The following AHCY variants were observed in gnomAD, a reference collection of about 807,000 sequenced individuals.
AHCY encodes the protein S-adenosyl-L-homocysteine hydrolase.
In AHCY, 24 loss-of-function variants were observed where a neutral mutation model predicts 45.4. The observed-to-expected ratio is 0.53, with a 90% CI of 0.38 to 0.74. The LOEUF (loss-of-function observed/expected upper bound fraction) is 0.74, where lower values mean the gene tolerates loss of function less well. Among genes scored for constraint, AHCY ranks in the 30% least tolerant of loss-of-function variants. The pLI, the probability that AHCY is intolerant of heterozygous loss-of-function variation, is 0.00. For synonymous variants in AHCY, 245 were observed against 235.1 expected, an observed-to-expected ratio of 1.04 and a Z score of -0.39; for missense variants, 449 against 594.1, an observed-to-expected ratio of 0.76 and a Z score of 2.54.
At chr20:34,303,207 G>C in intron 1 of AHCY, 36 bp downstream of exon 1, 1 of 1,550,858 alleles carries the variant, frequency 6.4e-7, no homozygotes. Flanking sequence ...GGCGGGTGCC[G>C]GGCGGCCGCA....
chr20:34,246,212 A>G, the AHCY span: 2 of 1,453,752 alleles, frequency 1.4e-6, no homozygotes, highest in South Asian at 2.5e-5. Context: ...CTTTTGTGGT[A>G]TGGTCTTCTT....
At chr20:34,298,497 C>T (rs376140101) in intron 1 of AHCY, among the ~76,000 whole-genome samples, 18 of 151,584 alleles carry the variant, frequency 1.2e-4, no homozygotes, top group East Asian at 1.9e-4. Context: ...CTAGCGGTGA[C>T]GCCAGCGTCT....
chr20:34,232,040 C>T, the AHCY span, among the ~76,000 whole-genome samples: 6 of 152,220 alleles, frequency 3.9e-5, no homozygotes, highest in African/African-American at 1.4e-4. Flanking sequence ...TTAACTTTTG[C>T]ATCAGCTCTT....
the AHCY span, among the ~76,000 whole-genome samples, chr20:34,249,120 C>A: frequency 6.6e-6 from 1 of 151,848 alleles, no homozygotes; most frequent in Non-Finnish European, 1.5e-5. Flanking sequence ...CAGAGTGAGA[C>A]CCTGTCTCGA....
chr20:34,295,851 G>A (rs978535100), intron 1 of AHCY, among the ~76,000 whole-genome samples: 12 of 152,076 alleles, frequency 7.9e-5, no homozygotes, highest in African/African-American at 2.7e-4. Flanking sequence ...ATAAAGAAGC[G>A]TCCCTTTGAA....
chr20:34,239,196 A>C, the AHCY span, among the ~76,000 whole-genome samples: 8 of 151,230 alleles, frequency 5.3e-5, no homozygotes, highest in Non-Finnish European at 1.2e-4. Context: ...CATCAGACTC[A>C]GTATGTTCCT....
At chr20:34,279,419 T>C (rs2122705438), downstream of AHCY, among the ~76,000 whole-genome samples, 1 of 146,240 alleles carries the variant, frequency 6.8e-6, no homozygotes, top group South Asian at 2.1e-4. Context: ...CGAGACTGTC[T>C]AGAAAAAAAA....
the AHCY span, among the ~76,000 whole-genome samples, chr20:34,271,516 T>C: frequency 1.3e-5 from 2 of 151,848 alleles, no homozygotes; most frequent in African/African-American, 2.4e-5. Flanking sequence ...CTGAAGGGCA[T>C]AGCCTTAAAC....
At chr20:34,260,498 G>T in the AHCY span, 1 of 1,613,840 alleles carries the variant, frequency 6.2e-7, no homozygotes, top group Admixed American at 1.7e-5. Flanking sequence ...CAACTCCTCT[G>T]TGAACCTACT....
chr20:34,301,998 TTTTG>T lies in AHCY; in HGVS notation c.28+1241_28+1244del, dbSNP rs1190669955. ...ATTCTCCAGACTTAATAGTGTCTTT[TTTTG>T]TTTGTTTTTTTTTTTTGAGACAGGG... On this transcript the variant is annotated intron_variant, in intron 1 of 9. Coordinates refer to ENST00000217426, the MANE Select transcript of AHCY (RefSeq NM_000687.4). 8 of 928,890 alleles carry T rather than the reference TTTTG, an allele frequency of 8.6e-6. No homozygotes were observed. In the African/African-American group the frequency reaches 1.3e-4, roughly 15 times the overall value. The allele number at this position is 928,890 out of a possible 1,614,324, so 57.5% of individuals were successfully genotyped here.
rs1331139252 is a variant in AHCY, at chr20:34,295,644, G to A, written c.29-59C>T. On this transcript the variant is annotated intron_variant, in intron 1 of 9. Transcript: ENST00000217426. ...CCCCTCATCCCACCAACCAAGAGGGGCGGTCACTGCATGGACCCCGATCCA... is the reference window on the plus strand; with the variant it reads ...CCCCTCATCCCACCAACCAAGAGGGACGGTCACTGCATGGACCCCGATCCA... 23 of 1,571,632 alleles carry A rather than the reference G, an allele frequency of 1.5e-5. No homozygotes were observed. In the East Asian group the frequency reaches 4.4e-4, roughly 30 times the overall value.
In AHCY at chr20:34,281,002, A is replaced by G; in HGVS notation, c.*32T>C. ...GGAGAGGTGGGGCCTGGGCAAGGAC[A>G]GCAGCTGGAGGGTGAAACGCAGACC... On this transcript the variant is annotated 3_prime_UTR_variant, in exon 10 of 10. Transcript: ENST00000217426. 6.2e-7 allele frequency: 1 copy of G among 1,613,726 alleles called. No individual in the cohort carries two copies. The highest frequency in any genetic ancestry group is 8.5e-7 in the Non-Finnish European group (1 of 1,179,876).
At chr20:34,274,564 G>A in the AHCY span, among the ~76,000 whole-genome samples, 105 of 152,290 alleles carry the variant, frequency 6.9e-4, 1 homozygote, top group South Asian at 0.015. Flanking sequence ...CACTAGTGGA[G>A]CTTCTGGAGA....
Position 34,282,380 on chromosome 20 carries a change from T to A in AHCY, c.1168-1215A>T, listed in dbSNP as rs547596292. On this transcript the variant is annotated intron_variant, in intron 9 of 9. Transcript: ENST00000217426. ...CAGATGATTGCAGCCCTGGCAGAAA[T>A]CTTGACCGCAACCTCATGAAAGAGC... Among the ~76,000 whole-genome samples the A allele has an allele frequency of 3.0e-4, 46 of 152,290 alleles. No homozygotes were observed. The South Asian group carries it at 5.2e-3, about 17-fold the overall frequency.
chr20:34,263,573 C>A, the AHCY span, among the ~76,000 whole-genome samples: 3 of 151,514 alleles, frequency 2.0e-5, no homozygotes, highest in East Asian at 3.9e-4. Flanking sequence ...ACAACAACAA[C>A]AAAAAATTAA....
At chr20:34,235,833 GAAAGA>G in the AHCY span, among the ~76,000 whole-genome samples, 91 of 63,124 alleles carry the variant, frequency 1.4e-3, no homozygotes, top group Non-Finnish European at 2.1e-3. Flanking sequence ...AAGAAAGAAA[GAAAGA>G]AAGAAGGAAG....
the AHCY span, among the ~76,000 whole-genome samples, chr20:34,266,443 C>T: frequency 1.3e-5 from 2 of 151,996 alleles, no homozygotes; most frequent in Non-Finnish European, 2.9e-5. Context: ...GAGGCTGAGG[C>T]AGGCAGATCA....
chr20:34,246,540 A>C, the AHCY span: 17 of 1,003,116 alleles, frequency 1.7e-5, no homozygotes, highest in Non-Finnish European at 2.5e-5. Flanking sequence ...ATCTCAGCTC[A>C]CTGCAACCTC....
At chr20:34,282,945 G>C (rs945647969) in intron 9 of AHCY, among the ~76,000 whole-genome samples, 8 of 152,192 alleles carry the variant, frequency 5.3e-5, no homozygotes, top group Admixed American at 4.6e-4. Flanking sequence ...CACATCTACT[G>C]TTTCATTAGA....
Sources: allele counts gnomAD v4.1 joint callset (sites outside exome capture counted in the v4.1 genomes callset), GRCh38; gene constraint gnomAD v4.1.1; transcripts MANE v1.5; gene names NCBI Gene and HGNC (gene_info 2026-07-23, HGNC 2026-07-21).